PTPRN2: variants seen among roughly 807,000 people sequenced by gnomAD.
PTPRN2 encodes the protein receptor-type tyrosine-protein phosphatase N2.
A neutral mutation model predicts 118.8 loss-of-function variants in PTPRN2; 74 were observed. The observed-to-expected ratio is 0.62, with a 90% CI of 0.52 to 0.76. The LOEUF (loss-of-function observed/expected upper bound fraction) is 0.76, where lower values mean the gene tolerates loss of function less well. Among genes scored for constraint, PTPRN2 ranks in the 30% least tolerant of loss-of-function variants. The pLI is 0.00. For missense variants in PTPRN2, 1,481 were observed against 1,394.4 expected, an observed-to-expected ratio of 1.06 and a Z score of -0.99; for synonymous variants, 641 against 608.0, an observed-to-expected ratio of 1.05 and a Z score of -0.80.
intron 6 of PTPRN2, among the ~76,000 whole-genome samples, chr7:158,162,537 G>A (rs1455444160): frequency 6.6e-6 from 1 of 152,038 alleles, no homozygotes; most frequent in Non-Finnish European, 1.5e-5. Context: ...GGACATTCAG[G>A]AAAAGGCAAA....
At chr7:157,623,318 G>C (rs1803378444) in intron 14 of PTPRN2, among the ~76,000 whole-genome samples, 1 of 152,178 alleles carries the variant, frequency 6.6e-6, no homozygotes, top group Admixed American at 6.5e-5. Flanking sequence ...TGTTTCTGTG[G>C]CTACTTTTCT....
intron 12 of PTPRN2, among the ~76,000 whole-genome samples, chr7:157,708,243 C>G (rs1169570043): frequency 6.6e-6 from 1 of 152,224 alleles, no homozygotes; most frequent in East Asian, 1.9e-4. Context: ...CAGGCACATC[C>G]TCTCCTCTGC....
chr7:158,095,884 TAA>T (rs1201564522), intron 10 of PTPRN2, among the ~76,000 whole-genome samples: 17 of 152,276 alleles, frequency 1.1e-4, no homozygotes, highest in Non-Finnish European at 2.1e-4. Context: ...GGCCAGGAGA[TAA>T]AAGATTCAAG....
chr7:158,587,576 G>A lies in PTPRN2; in HGVS notation c.94C>T (p.Gln32Ter). Residue 32 changes from glutamine (Q) to a stop codon, truncating the protein, a stop_gained, in exon 1 of 23, where the codon CAG (glutamine) becomes TAG (stop). Coordinates refer to ENST00000389418, the MANE Select transcript of PTPRN2 (RefSeq NM_002847.5). LOFTEE classifies it high-confidence loss of function. The part of the protein sequence containing the change: ...AAPSSVPRGR[Q>*]LPGRLGCLLE... ...CACTCACCCAGACGCCCCGGGAGCT[G>A]CCGGCCGCGGGGGACGGACGAAGGG... The A allele has an allele frequency of 2.2e-6, 3 of 1,334,474 alleles. No homozygotes were observed. Among genetic ancestry groups the A allele is most frequent in the South Asian group, 1.9e-5 (1 of 52,366 alleles). The allele number at this position is 1,334,474 out of a possible 1,614,324, so 82.7% of individuals were successfully genotyped here.
chr7:158,443,573 C>T (rs77780783), intron 2 of PTPRN2, among the ~76,000 whole-genome samples: 14,835 of 152,008 alleles, frequency 0.098, 783 homozygotes, highest in African/African-American at 0.12. Flanking sequence ...CGGCGTGGGG[C>T]GACTCCTCCC....
intron 2 of PTPRN2, among the ~76,000 whole-genome samples, chr7:158,322,507 C>T (rs934232535): frequency 9.9e-5 from 15 of 151,622 alleles, no homozygotes; most frequent in African/African-American, 3.4e-4. Flanking sequence ...GGAGCAGTTC[C>T]GTGCATGGCA....
rs1563254250 is a variant in PTPRN2 at position 158,407,161 on chromosome 7, CCTGGGTCCTGCGTCCTGCGTCCT to C, written c.163+82551_163+82573del. On this transcript the variant is annotated intron_variant, in intron 2 of 22. Coordinates refer to ENST00000389418, the MANE Select transcript of PTPRN2 (RefSeq NM_002847.5). ...GCGTCCTGCGTCCTGGGTCCTGGGT[CCTGGGTCCTGCGTCCTGCGTCCT>C]GGGTCCTGGGTCCTGGGTCCTGGGT... Among the ~76,000 whole-genome samples the C allele has an allele frequency of 4.9e-4, 60 of 122,674 alleles. 4 individuals carry two copies. The East Asian group carries it at 6.3e-3, about 13-fold the overall frequency. The allele number at this position is 122,674 out of a possible 152,430, so 80.5% of individuals were successfully genotyped here.
rs117551750 is a variant in PTPRN2 at position 158,517,335 on chromosome 7, G to A, written c.113-27550C>T. Among the ~76,000 whole-genome samples the A allele has an allele frequency of 7.2e-5, 11 of 152,298 alleles. No homozygotes were observed. Among genetic ancestry groups the A allele is most frequent in the East Asian group, 5.8e-4 (3 of 5,176 alleles). ...CGCCCCCTCACAGAACCGCAGCAAC[G>A]ACACCTATCACCGCCCACCACAGGC... is the stretch of plus-strand genomic sequence containing the variant. On this transcript the variant is annotated intron_variant, in intron 1 of 22. Transcript: ENST00000389418. The surrounding 1 kb of genome is among the most constrained non-coding windows in gnomAD (Gnocchi z 5.3).
chr7:158,469,122 T>TGGATCAACAGAATGCACACC (rs1301344649), intron 2 of PTPRN2, among the ~76,000 whole-genome samples: 13 of 151,752 alleles, frequency 8.6e-5, no homozygotes, highest in South Asian at 2.1e-4. Context: ...ATCAACAGTG[T>TGGATCAACAGAATGCACACC]CAGGCTTTCA....
At chr7:158,395,314 AGG>A (rs1563239823) in intron 2 of PTPRN2, among the ~76,000 whole-genome samples, 3 of 61,938 alleles carry the variant, frequency 4.8e-5, no homozygotes, top group African/African-American at 1.3e-4. Flanking sequence ...GCGAGGGGTG[AGG>A]GGCGAGGGGC....
chr7:158,437,631 C>T (rs998761615), intron 2 of PTPRN2, among the ~76,000 whole-genome samples: 1 of 152,228 alleles, frequency 6.6e-6, no homozygotes, highest in Non-Finnish European at 1.5e-5. Flanking sequence ...ATCCTCACAC[C>T]TATGGCATGA....
Position 158,238,074 on chromosome 7 carries a change from C to T in PTPRN2, c.278-32801G>A, listed in dbSNP as rs113738358. On this transcript the variant is annotated intron_variant, in intron 3 of 22. Transcript: ENST00000389418. ...ACACACACAATCTCCACAGTGCAGC[C>T]GCGGCCTCCTGCTGGGAACGTCCGC... is the stretch of plus-strand genomic sequence containing the variant. Among the ~76,000 whole-genome samples, 251 of 152,280 alleles carry T rather than the reference C, an allele frequency of 1.6e-3. 3 individuals are homozygous for T. The highest frequency in any genetic ancestry group is 5.6e-3 in the African/African-American group (234 of 41,564).
chr7:158,232,217 T>C (rs986647534), intron 3 of PTPRN2, among the ~76,000 whole-genome samples: 4 of 151,280 alleles, frequency 2.6e-5, no homozygotes, highest in African/African-American at 7.3e-5. Flanking sequence ...TTAGCTAGAC[T>C]AAGAAAAAAG....
chr7:158,242,657 G>A (rs564680123), intron 3 of PTPRN2, among the ~76,000 whole-genome samples: 6 of 152,270 alleles, frequency 3.9e-5, no homozygotes, highest in South Asian at 4.1e-4. Context: ...GAAAACATCC[G>A]TTCGTGGGCA....
intron 12 of PTPRN2, among the ~76,000 whole-genome samples, chr7:157,712,358 T>C (rs1474546935): frequency 6.6e-6 from 1 of 152,164 alleles, no homozygotes; most frequent in Non-Finnish European, 1.5e-5. Context: ...CTCAGCATGT[T>C]ATGTAACTTG....
At chr7:157,931,735 A>C (rs1269335834) in intron 11 of PTPRN2, among the ~76,000 whole-genome samples, 2 of 152,090 alleles carry the variant, frequency 1.3e-5, no homozygotes, top group Non-Finnish European at 2.9e-5. Flanking sequence ...AGCTAAATTG[A>C]ATAAATGACT....
chr7:158,517,903 C>A lies in PTPRN2; in HGVS notation c.113-28118G>T, dbSNP rs55894634. ...ACTGCAGAAAAACCTTCCCTCCCCC[C>A]CAGTCTGACTAGAGTCCACTCATTT... is the stretch of plus-strand genomic sequence containing the variant. On this transcript the variant is annotated intron_variant, in intron 1 of 22. Transcript: ENST00000389418. The surrounding 1 kb of genome is among the most constrained non-coding windows in gnomAD (Gnocchi z 5.3). Among the ~76,000 whole-genome samples, 4 of 152,070 alleles carry A rather than the reference C, an allele frequency of 2.6e-5. No homozygotes were observed. The highest frequency in any genetic ancestry group is 4.4e-5 in the Non-Finnish European group (3 of 68,008).
intron 16 of PTPRN2, among the ~76,000 whole-genome samples, chr7:157,602,196 G>A: frequency 6.6e-6 from 1 of 152,252 alleles, no homozygotes; most frequent in East Asian, 1.9e-4. Flanking sequence ...CTGGGTTCAG[G>A]TGGTGTAGAC....
chr7:157,572,418 C>G (rs149517402), intron 19 of PTPRN2, among the ~76,000 whole-genome samples: 5 of 152,336 alleles, frequency 3.3e-5, no homozygotes, highest in African/African-American at 1.2e-4. Context: ...TGTCACGTTT[C>G]TTTGCAAAGC....
Sources: allele counts gnomAD v4.1 joint callset (sites outside exome capture counted in the v4.1 genomes callset), GRCh38; gene constraint gnomAD v4.1.1; non-coding constraint Gnocchi (gnomAD v3.1); transcripts MANE v1.5; gene names NCBI Gene and HGNC (gene_info 2026-07-23, HGNC 2026-07-21).